Variants in PIWIL3 observed in about 807,000 individuals in gnomAD.
The protein encoded by PIWIL3 is piwi like RNA-mediated gene silencing 3.
PIWIL3 carries 101 observed loss-of-function variants against 109.7 expected under a neutral mutation model. That is an observed-to-expected ratio of 0.92 (90% confidence interval 0.78 to 1.09). The LOEUF (loss-of-function observed/expected upper bound fraction) is 1.09, where lower values mean the gene tolerates loss of function less well. Among genes scored for constraint, PIWIL3 ranks in the 50% least tolerant of loss-of-function variants. PIWIL3 has a pLI of 0.00. For missense variants in PIWIL3, 1,031 were observed against 1,072.6 expected, an observed-to-expected ratio of 0.96 and a Z score of 0.54; for synonymous variants, 373 against 376.4, an observed-to-expected ratio of 0.99 and a Z score of 0.10.
chr22:24,726,523 G>A (rs1218732578), intron 16 of PIWIL3, among the ~76,000 whole-genome samples: 1 of 152,122 alleles, frequency 6.6e-6, no homozygotes, highest in Non-Finnish European at 1.5e-5. Flanking sequence ...CTGACCTTGT[G>A]ATCTGCCCGC....
chr22:24,732,126 G>A (rs1053180110), intron 14 of PIWIL3, among the ~76,000 whole-genome samples: 2 of 152,080 alleles, frequency 1.3e-5, no homozygotes, highest in African/African-American at 2.4e-5. Context: ...TTTTATTTTA[G>A]GTACAACATA....
At chr22:24,766,559 T>C (rs1925807157) in intron 1 of PIWIL3, among the ~76,000 whole-genome samples, 1 of 151,862 alleles carries the variant, frequency 6.6e-6, no homozygotes, top group African/African-American at 2.4e-5. Flanking sequence ...CCTGACCTTG[T>C]GATCCGCCTG....
At chr22:24,770,286 C>G (rs1197215038) in intron 1 of PIWIL3, among the ~76,000 whole-genome samples, 1 of 152,222 alleles carries the variant, frequency 6.6e-6, no homozygotes, top group Non-Finnish European at 1.5e-5. Context: ...ACTGTCCCTG[C>G]CTGGACAGAG....
At position 24,754,817 on chromosome 22, in the gene PIWIL3, G is replaced by T; in HGVS notation, c.740C>A (p.Thr247Asn). ...GTATAACTGAATGGCCTTCTTTTTG[G>T]TATAATAGTTGCGACCAACTTGTTC... ...DFEQVGRNYY[T>N]KKKAIQLYRH... Residue 247 changes from threonine to asparagine, a missense_variant, in exon 7 of 21, where the codon ACC (threonine) becomes AAC (asparagine). Coordinates refer to ENST00000616349, the MANE Select transcript of PIWIL3 (RefSeq NM_001255975.1). The T allele has an allele frequency of 6.2e-7, 1 of 1,612,356 alleles. No individual in the cohort carries two copies. Among genetic ancestry groups the T allele is most frequent in the Non-Finnish European group, 8.5e-7 (1 of 1,178,606 alleles).
chr22:24,773,389 C>T (rs965800504), intron 1 of PIWIL3, among the ~76,000 whole-genome samples: 8 of 152,162 alleles, frequency 5.3e-5, no homozygotes, highest in Admixed American at 4.6e-4. Flanking sequence ...CAGTGGAGGT[C>T]CCGGCAGGAC....
chr22:24,759,668 T>C lies in PIWIL3; in HGVS notation c.223+201A>G, dbSNP rs1344284686. ...CAATAAACAGTGACCTCCATCTCCC[T>C]TCCACAAGTTAAGACACAAGGTGAA... On this transcript the variant is annotated intron_variant, in intron 3 of 20. Coordinates refer to ENST00000616349, the MANE Select transcript of PIWIL3 (RefSeq NM_001255975.1). Among the ~76,000 whole-genome samples, 7 of 152,354 alleles carry C rather than the reference T, an allele frequency of 4.6e-5. No individual in the cohort carries two copies. In the East Asian group the frequency reaches 1.3e-3, roughly 29 times the overall value.
At chr22:24,768,313 G>C (rs1219396981) in intron 1 of PIWIL3, among the ~76,000 whole-genome samples, 5 of 151,472 alleles carry the variant, frequency 3.3e-5, no homozygotes. Flanking sequence ...TGAGTGCAGT[G>C]ACACAATCTC....
At chr22:24,736,020 G>A in intron 12 of PIWIL3, 128 bp from the exon 13 acceptor site, 1 of 755,486 alleles carries the variant, frequency 1.3e-6, no homozygotes. Flanking sequence ...AATGGCCAAT[G>A]TAGGTATTTT....
At chr22:24,740,510 T>TG (rs1923941003) in intron 12 of PIWIL3, among the ~76,000 whole-genome samples, 1 of 140,986 alleles carries the variant, frequency 7.1e-6, no homozygotes, top group Non-Finnish European at 1.5e-5. Flanking sequence ...ATCATGCCAC[T>TG]GCACTCCATC....
intron 16 of PIWIL3, 148 bp downstream of exon 16, chr22:24,727,802 G>T: frequency 1.5e-6 from 1 of 665,654 alleles, no homozygotes. Flanking sequence ...ACATAACTTT[G>T]CCAGAAAAAT....
chr22:24,734,707 T>C (rs1270986330), intron 13 of PIWIL3, among the ~76,000 whole-genome samples: 2 of 151,806 alleles, frequency 1.3e-5, no homozygotes, highest in African/African-American at 2.4e-5. Context: ...CAGAGGAAAA[T>C]TGTCTAGTGC....
chr22:24,743,304 C>G (rs1010499354), intron 12 of PIWIL3, among the ~76,000 whole-genome samples: 27 of 152,156 alleles, frequency 1.8e-4, no homozygotes, highest in African/African-American at 6.5e-4. Flanking sequence ...TCTTAAAGGA[C>G]TACAAGATCT....
At position 24,756,719 on chromosome 22, in the gene PIWIL3, C is replaced by A. The variant is rs1925054714; in HGVS notation, c.356-14G>T. 2 of 1,595,392 alleles carry A rather than the reference C, an allele frequency of 1.3e-6. No homozygotes were observed. The highest frequency in any genetic ancestry group is 1.3e-5 in the African/African-American group (1 of 74,562). ...TACCCTCTGAACCTGAAAAATGGAG[C>A]CACATGACAATAAAGAAACAGACTG... On this transcript the variant is annotated splice_polypyrimidine_tract_variant and intron_variant, in intron 4 of 20. Coordinates refer to ENST00000616349, the MANE Select transcript of PIWIL3 (RefSeq NM_001255975.1).
chr22:24,723,081 G>A (rs951961247), intron 19 of PIWIL3, 49 bp downstream of exon 19: 1 of 1,577,352 alleles, frequency 6.3e-7, no homozygotes, highest in African/African-American at 1.4e-5. Flanking sequence ...TGAACTGAAG[G>A]AAATTGAGAA....
At position 24,753,882 on chromosome 22, in the gene PIWIL3, G is replaced by A. The variant is rs79702828; in HGVS notation, c.977+132C>T. ...CAAGTTGTATAACCAGAGGAGAGACGTGTTCAGTTGTTCTTGCAATTTCTA... is the reference window on the plus strand; with the variant it reads ...CAAGTTGTATAACCAGAGGAGAGACATGTTCAGTTGTTCTTGCAATTTCTA... On this transcript the variant is annotated intron_variant, in intron 8 of 20. Transcript: ENST00000616349. The A allele has an allele frequency of 2.4e-3, 1,679 of 703,440 alleles. 27 individuals carry two copies. The African/African-American group carries it at 0.026, about 11-fold the overall frequency. The allele number at this position is 703,440 out of a possible 1,614,324, so 43.6% of individuals were successfully genotyped here. A position where few individuals can be genotyped will look rare whatever the true frequency, so the allele number is the denominator to read the frequency against.
chr22:24,756,628 A>G lies in PIWIL3; in HGVS notation c.433T>C (p.Tyr145His). The change falls in exon 5 of 21, where the codon TAC becomes CAC. Residue 145 changes from tyrosine to histidine, a missense_variant. Physicochemically the swap from Tyr to His is moderately conservative, Grantham distance 83. Coordinates refer to ENST00000616349, the MANE Select transcript of PIWIL3 (RefSeq NM_001255975.1). ...ISRPQWVAYKYNVDYKPDIED... is the reference protein window; with the variant it reads ...ISRPQWVAYKHNVDYKPDIED... ...ATGTCTGGTTTGTAGTCAACGTTGT[A>G]TTTATATGCAACCCACTGAGGACGA... 1 of 1,614,070 alleles carries G rather than the reference A, an allele frequency of 6.2e-7. No individual in the cohort carries two copies. Among genetic ancestry groups the G allele is most frequent in the Non-Finnish European group, 8.5e-7 (1 of 1,179,964 alleles).
intron 13 of PIWIL3, among the ~76,000 whole-genome samples, chr22:24,735,084 AG>A (rs1923586118): frequency 6.6e-6 from 1 of 152,168 alleles, no homozygotes; most frequent in Non-Finnish European, 1.5e-5. Flanking sequence ...TGGTCCTCAG[AG>A]GTTGTGGTGC....
In PIWIL3 at chr22:24,751,495, G is replaced by A. The variant is rs1924708575; in HGVS notation, c.981C>T (p.Tyr327=). The part of the protein sequence containing the change: ...KLIGSIVLTK[Y]NNKTYRVDDI... ...CATCTACTCTGTAGGTTTTGTTGTT[G>A]TATCTGTGGAATAATTACAATATGG... Residue 327 remains tyrosine, a synonymous_variant, in exon 9 of 21, where the codon TAC becomes TAT. Transcript: ENST00000616349. The A allele has an allele frequency of 6.2e-7, 1 of 1,609,230 alleles. No homozygotes were observed.
At chr22:24,743,807 G>A (rs1924149455) in intron 12 of PIWIL3, among the ~76,000 whole-genome samples, 1 of 151,810 alleles carries the variant, frequency 6.6e-6, no homozygotes, top group Admixed American at 6.6e-5. Context: ...AAAACCTATT[G>A]AAATAAAATT....
Sources: gnomAD v4.1 joint callset for allele counts (sites outside exome capture counted in the v4.1 genomes callset) on GRCh38, gnomAD v4.1.1 for gene constraint, MANE v1.5 for transcripts, NCBI Gene and HGNC (gene_info 2026-07-23, HGNC 2026-07-21) for gene names.